Variants in NEK9 observed in about 807,000 individuals in gnomAD.
NEK9 encodes NIMA related kinase 9, also known as serine/threonine-protein kinase Nek9.
NEK9 carries 75 observed loss-of-function variants against 123.4 expected under a neutral mutation model. The observed-to-expected ratio is 0.61, with a 90% CI of 0.50 to 0.74. NEK9 has a LOEUF of 0.74. Ranked by LOEUF, NEK9 falls within the 30% of genes least tolerant of loss-of-function variation. The pLI is 0.00. For synonymous variants in NEK9, 438 were observed against 458.7 expected (o/e 0.95, Z 0.58); for missense variants, 952 against 1,214.4 (o/e 0.78, Z 3.21).
chr14:75,086,255 G>A (rs1437894698), intron 21 of NEK9, among the ~76,000 whole-genome samples: 1 of 151,456 alleles, frequency 6.6e-6, no homozygotes, highest in African/African-American at 2.4e-5. Context: ...TGGTGGTGGA[G>A]GGAGCTGTTT....
At chr14:75,088,408 G>A in intron 20 of NEK9, 72 bp downstream of exon 20, 1 of 1,496,228 alleles carries the variant, frequency 6.7e-7, no homozygotes, top group Non-Finnish European at 9.2e-7. Flanking sequence ...CTAGAGCGAG[G>A]CCAGAAGAAC....
Position 75,106,589 on chromosome 14 carries a change from G to A in NEK9, c.1441C>T (p.Pro481Ser). ...TCTCCACAGGAGACCTGCTCCACTG[G>A]ATTGCTGAGGAAGAAGTTCAGCTGC... ...PMQLNFFLSN[P>S]VEQVSCGDNH... The change falls in exon 12 of 22, where the codon CCA becomes TCA. Residue 481 changes from proline (P) to serine (S), a missense_variant. Physicochemically the swap from Pro to Ser is moderately conservative, Grantham distance 74 (BLOSUM62 -1). Coordinates refer to ENST00000238616, the MANE Select transcript of NEK9 (RefSeq NM_033116.6). 1 of 1,614,054 alleles carries A rather than the reference G, an allele frequency of 6.2e-7. No homozygotes were observed. Among genetic ancestry groups the A allele is most frequent in the South Asian group, 1.1e-5 (1 of 91,080 alleles).
intron 14 of NEK9, 37 bp downstream of exon 14, chr14:75,103,805 C>G: frequency 6.4e-7 from 1 of 1,562,588 alleles, no homozygotes; most frequent in South Asian, 1.2e-5. Flanking sequence ...TAGAGAAATT[C>G]TGATGATGTG....
chr14:75,091,571 A>C (rs1894219461), intron 18 of NEK9, 93 bp from the exon 19 acceptor site: 1 of 1,117,506 alleles, frequency 8.9e-7, no homozygotes, highest in Non-Finnish European at 1.2e-6. Flanking sequence ...AAAGGTGCCT[A>C]TAAGCTGCAT....
chr14:75,091,622 A>G, intron 18 of NEK9, 144 bp from the exon 19 acceptor site: 1 of 591,280 alleles, frequency 1.7e-6, no homozygotes, highest in Non-Finnish European at 2.6e-6. Flanking sequence ...GTTAGGGACT[A>G]AATTTTTGGT....
At chr14:75,114,096 T>G in intron 7 of NEK9, 107 bp downstream of exon 7, 1 of 734,370 alleles carries the variant, frequency 1.4e-6, no homozygotes, top group Non-Finnish European at 2.4e-6. Flanking sequence ...CACTCTACCC[T>G]GGGGAAGTGG....
chr14:75,106,361 G>GAAA (rs34426692), intron 12 of NEK9, 141 bp downstream of exon 12: 741 of 299,592 alleles, frequency 2.5e-3, no homozygotes, highest in East Asian at 7.3e-3. Context: ...TCTGTCTCGA[G>GAAA]AAAAAAAAAA....
In NEK9 at chr14:75,097,117, T is replaced by C. The variant is rs1375178225; in HGVS notation, c.2156A>G (p.His719Arg). 8 of 1,609,336 alleles carry C rather than the reference T, an allele frequency of 5.0e-6. No individual in the cohort carries two copies. The highest frequency in any genetic ancestry group is 6.8e-6 in the Non-Finnish European group (8 of 1,177,838). ...ACTCTTACCAACGATGAGAATGGTA[T>C]GCCATCCACGGCAAGACAGGTCCGG... ...HVPDLSCRGW[H>R]TILIVEKVLN... Residue 719 changes from histidine (H) to arginine (R), a missense_variant, in exon 17 of 22, where the codon CAT becomes CGT. Coordinates refer to ENST00000238616, the MANE Select transcript of NEK9 (RefSeq NM_033116.6).
chr14:75,117,146 A>C (rs1202040211), intron 6 of NEK9, 49 bp downstream of exon 6: 1 of 1,586,724 alleles, frequency 6.3e-7, no homozygotes, highest in Admixed American at 1.8e-5. Flanking sequence ...GTCAAGCTGT[A>C]CCATTTGCAA....
intron 3 of NEK9, 41 bp from the exon 4 acceptor site, chr14:75,120,621 C>T (rs1220504000): frequency 1.3e-6 from 2 of 1,510,442 alleles, no homozygotes; most frequent in South Asian, 1.2e-5. Flanking sequence ...AAACAAAAAG[C>T]TCCATTTAAG....
intron 10 of NEK9, 30 bp from the exon 11 acceptor site, chr14:75,107,517 T>C: frequency 6.5e-7 from 1 of 1,538,540 alleles, no homozygotes; most frequent in Non-Finnish European, 8.7e-7. Flanking sequence ...TATGACTTTT[T>C]TTTTTAATTA....
rs1055798416 is a variant in NEK9, at chr14:75,106,277, C to T, written c.1528+225G>A. On this transcript the variant is annotated intron_variant, in intron 12 of 21. Transcript: ENST00000238616. ...GGGAGGCTGAGGCAGGAGAATCACT[C>T]GAACTCGGGAGGTGGTGGTTGCAAT... is the stretch of plus-strand genomic sequence containing the variant. 92 of 570,456 alleles carry T rather than the reference C, an allele frequency of 1.6e-4. 3 individuals carry two copies. The highest frequency in any genetic ancestry group is 8.1e-4 in the South Asian group (39 of 48,410). 35.3% of individuals were successfully genotyped at this position (570,456 alleles called of 1,614,324 possible). A position where few individuals can be genotyped will look rare whatever the true frequency, so the allele number is the denominator to read the frequency against.
intron 13 of NEK9, 117 bp from the exon 14 acceptor site, chr14:75,104,114 G>T: frequency 9.8e-7 from 1 of 1,024,372 alleles, no homozygotes; most frequent in Middle Eastern, 2.4e-4. Flanking sequence ...ACAGGAAAGT[G>T]AGGACTGCTC....
chr14:75,124,683 C>T (rs1208868187), intron 1 of NEK9, among the ~76,000 whole-genome samples: 4 of 151,954 alleles, frequency 2.6e-5, no homozygotes, highest in African/African-American at 9.7e-5. Context: ...TTTCACCTAC[C>T]CTTTCTGGAT....
chr14:75,115,069 GCA>G (rs1019329257), intron 6 of NEK9, among the ~76,000 whole-genome samples: 4 of 90,054 alleles, frequency 4.4e-5, no homozygotes, highest in East Asian at 6.1e-4. Flanking sequence ...ACACGTGTGT[GCA>G]CATATATACA....
At chr14:75,124,904 G>A (rs1426711738) in intron 1 of NEK9, among the ~76,000 whole-genome samples, 1 of 150,410 alleles carries the variant, frequency 6.6e-6, no homozygotes, top group East Asian at 1.9e-4. Context: ...CCCAGTAGTT[G>A]GGACTACAGG....
At chr14:75,120,430 A>G (rs1380956103) in intron 4 of NEK9, 80 bp downstream of exon 4, 10 of 907,764 alleles carry the variant, frequency 1.1e-5, no homozygotes, top group Non-Finnish European at 1.6e-5. Flanking sequence ...CAAGAAAATA[A>G]AAGTGTTGTT....
intron 10 of NEK9, among the ~76,000 whole-genome samples, chr14:75,108,389 G>C (rs751790096): frequency 2.0e-5 from 3 of 151,774 alleles, no homozygotes; most frequent in Non-Finnish European, 4.4e-5. Context: ...GCCTCCCAAA[G>C]TTTTGAGATT....
chr14:75,098,112 C>T (rs889720876), intron 16 of NEK9, among the ~76,000 whole-genome samples: 3 of 152,050 alleles, frequency 2.0e-5, no homozygotes, highest in African/African-American at 7.2e-5. Flanking sequence ...GCAGGGAGAC[C>T]AGTTGTAGTG....
Sources: allele counts gnomAD v4.1 joint callset (sites outside exome capture counted in the v4.1 genomes callset), GRCh38; gene constraint gnomAD v4.1.1; transcripts MANE v1.5; gene names NCBI Gene and HGNC (gene_info 2026-07-23, HGNC 2026-07-21).